The following ABLIM1 variants were observed in gnomAD, a reference collection of about 807,000 sequenced individuals.
The protein encoded by ABLIM1 is actin-binding LIM protein 1.
ABLIM1 carries 40 observed loss-of-function variants against 107.0 expected under a neutral mutation model. That is an observed-to-expected ratio of 0.37 (90% CI 0.29 to 0.49). The LOEUF (loss-of-function observed/expected upper bound fraction) is 0.49, where lower values mean the gene tolerates loss of function less well. Among genes scored for constraint, ABLIM1 ranks in the 20% least tolerant of loss-of-function variants. The pLI is 0.97. For missense variants in ABLIM1, 857 were observed against 1,008.5 expected (o/e 0.85, Z 2.04); for synonymous variants, 357 against 357.3 (o/e 1.00, Z 0.01).
chr10:114,568,196 CAAAAA>C (rs34861242), intron 4 of ABLIM1, among the ~76,000 whole-genome samples: 1 of 52,392 alleles, frequency 1.9e-5, no homozygotes, highest in Non-Finnish European at 3.7e-5. Flanking sequence ...GACTCCGTCT[CAAAAA>C]AAAAAAAAAA....
At chr10:114,714,715 C>T (rs2081623193) in intron 1 of ABLIM1, among the ~76,000 whole-genome samples, 1 of 152,186 alleles carries the variant, frequency 6.6e-6, no homozygotes, top group Admixed American at 6.5e-5. Context: ...AAGCAGGCTG[C>T]ACGGAAGTCA....
At chr10:114,673,024 G>A (rs2080321243) in intron 1 of ABLIM1, among the ~76,000 whole-genome samples, 1 of 152,104 alleles carries the variant, frequency 6.6e-6, no homozygotes, top group Admixed American at 6.5e-5. Context: ...TTGGGAGGCT[G>A]AGGCAGGTGG....
At chr10:114,443,691 A>AAG (rs2060561589) in intron 17 of ABLIM1, among the ~76,000 whole-genome samples, 3 of 150,202 alleles carry the variant, frequency 2.0e-5, no homozygotes, top group African/African-American at 7.4e-5. Flanking sequence ...AAAAAAAAAA[A>AAG]AAGAAGAAGA....
chr10:114,703,554 C>T (rs770329917), intron 1 of ABLIM1, among the ~76,000 whole-genome samples: 4 of 152,168 alleles, frequency 2.6e-5, no homozygotes, highest in Non-Finnish European at 5.9e-5. Context: ...AGTGGCAGCA[C>T]CAGGATCCCA....
intron 6 of ABLIM1, among the ~76,000 whole-genome samples, chr10:114,534,395 G>A (rs1042402377): frequency 3.3e-5 from 5 of 151,824 alleles, no homozygotes; most frequent in Admixed American, 3.3e-4. Flanking sequence ...TGTCTAGGCA[G>A]GCTGTGTCTC....
At chr10:114,778,468 A>G in the ABLIM1 span, 1 of 152,148 alleles carries the variant, frequency 6.6e-6, no homozygotes, top group African/African-American at 2.4e-5. Context: ...CTCTGATGCT[A>G]CATAATTAAG....
chr10:114,735,315 T>G (rs2142209754), intron 1 of ABLIM1, among the ~76,000 whole-genome samples: 1 of 152,262 alleles, frequency 6.6e-6, no homozygotes, highest in South Asian at 2.1e-4. Context: ...CACAATCGAG[T>G]ACAGATAGGC....
chr10:114,566,084 C>T (rs187981615), intron 4 of ABLIM1, among the ~76,000 whole-genome samples: 2 of 152,226 alleles, frequency 1.3e-5, no homozygotes, highest in African/African-American at 2.4e-5. Flanking sequence ...CGTGAGCCAC[C>T]GCGCCCGGTC....
At chr10:114,478,823 C>T (rs915584563) in intron 8 of ABLIM1, among the ~76,000 whole-genome samples, 1 of 152,146 alleles carries the variant, frequency 6.6e-6, no homozygotes, top group Non-Finnish European at 1.5e-5. Flanking sequence ...TCATTCTGAC[C>T]TCCTAAGTTT....
intron 4 of ABLIM1, among the ~76,000 whole-genome samples, chr10:114,569,316 T>C (rs1329062527): frequency 6.6e-6 from 1 of 151,864 alleles, no homozygotes; most frequent in Non-Finnish European, 1.5e-5. Flanking sequence ...CTCTTTTTCT[T>C]TTTCTTTTTT....
In ABLIM1 at chr10:114,433,934, T is replaced by C. The variant is rs3802733; in HGVS notation, c.*2326A>G. 0.19 allele frequency: 28,824 copies of C among 152,184 alleles called. 3,270 individuals carry two copies. The highest frequency in any genetic ancestry group is 0.31 in the Middle Eastern group (92 of 294). 9.4% of individuals were successfully genotyped at this position (152,184 alleles called of 1,614,324 possible). On this transcript the variant is annotated 3_prime_UTR_variant, in exon 23 of 23. Coordinates refer to ENST00000533213, the MANE Select transcript of ABLIM1 (RefSeq NM_002313.7). Reference sequence around the variant, plus strand: ...CAATGTAAAACGTAGGGACCCTTTATTAGCTCCATAATGAAAAAAATCTCT... The same window carrying C: ...CAATGTAAAACGTAGGGACCCTTTACTAGCTCCATAATGAAAAAAATCTCT...
chr10:114,542,603 G>A (rs2066839253), intron 6 of ABLIM1, among the ~76,000 whole-genome samples: 1 of 150,208 alleles, frequency 6.7e-6, no homozygotes, highest in Non-Finnish European at 1.5e-5. Flanking sequence ...GGAGGAAGAA[G>A]AAGAAAAAAG....
chr10:114,469,538 G>A (rs539554109), intron 10 of ABLIM1, among the ~76,000 whole-genome samples: 1 of 152,176 alleles, frequency 6.6e-6, no homozygotes, highest in Non-Finnish European at 1.5e-5. Context: ...CAAACCCACT[G>A]TCACACAGCA....
At chr10:114,661,840 G>C (rs1007566123), upstream of ABLIM1, among the ~76,000 whole-genome samples, 2 of 152,124 alleles carry the variant, frequency 1.3e-5, no homozygotes, top group Non-Finnish European at 1.5e-5. Flanking sequence ...AATTCACCAA[G>C]GGGCACTGAG....
At chr10:114,753,037 G>A (rs573963899) in intron 1 of ABLIM1, among the ~76,000 whole-genome samples, 60 of 152,242 alleles carry the variant, frequency 3.9e-4, no homozygotes, top group Non-Finnish European at 7.1e-4. Context: ...TAGATCTCTC[G>A]CTGTCCATCA....
At position 114,434,243 on chromosome 10, in the gene ABLIM1, C is replaced by A. The variant is rs970560784; in HGVS notation, c.*2017G>T. ...GCTGGTCTCATCTGCTCATGGCCAC[C>A]CTGTCAGAGCCATTTGCTAAACATG... On this transcript the variant is annotated 3_prime_UTR_variant, in exon 23 of 23. Coordinates refer to ENST00000533213, the MANE Select transcript of ABLIM1 (RefSeq NM_002313.7). The A allele has an allele frequency of 6.6e-6, 1 of 150,526 alleles. No homozygotes were observed. Among genetic ancestry groups the A allele is most frequent in the Non-Finnish European group, 1.5e-5 (1 of 68,310 alleles). 9.3% of individuals were successfully genotyped at this position (150,526 alleles called of 1,614,324 possible). A position where few individuals can be genotyped will look rare whatever the true frequency, so the allele number is the denominator to read the frequency against.
the ABLIM1 span, among the ~76,000 whole-genome samples, chr10:114,788,364 A>C: frequency 6.6e-6 from 1 of 150,926 alleles, no homozygotes; most frequent in Non-Finnish European, 1.5e-5. Flanking sequence ...AAATAAATAA[A>C]TAACTCAACC....
At chr10:114,615,548 G>T in intron 1 of ABLIM1, 1 of 467,454 alleles carries the variant, frequency 2.1e-6, no homozygotes, top group Non-Finnish European at 4.3e-6. Context: ...TCCATTACAA[G>T]GTAACTGCCA....
chr10:114,774,714 G>T, the ABLIM1 span, among the ~76,000 whole-genome samples: 92,406 of 151,878 alleles, frequency 0.61, 28,178 homozygotes, highest in Non-Finnish European at 0.64. Context: ...AACTTGGAAG[G>T]ACCTCTAACC....
Sources: gnomAD v4.1 joint callset for allele counts (sites outside exome capture counted in the v4.1 genomes callset) on GRCh38, gnomAD v4.1.1 for gene constraint, MANE v1.5 for transcripts, NCBI Gene and HGNC (gene_info 2026-07-23, HGNC 2026-07-21) for gene names.